Variants in DGKD observed in about 807,000 individuals in gnomAD.
The protein encoded by DGKD is diacylglycerol kinase delta.
Under a neutral mutation model 154.4 loss-of-function variants are expected in DGKD, and 68 were observed. The observed-to-expected ratio is 0.44, with a 90% CI of 0.36 to 0.54. The LOEUF (loss-of-function observed/expected upper bound fraction) is 0.54, where lower values mean the gene tolerates loss of function less well. DGKD is among the 20% of genes least tolerant of loss of function. The probability of loss-of-function intolerance (pLI) is 0.00; values close to 1 mark genes in which losing one functional copy is unlikely to be tolerated. For missense variants in DGKD, 1,343 were observed against 1,593.6 expected (o/e 0.84, Z 2.68); for synonymous variants, 693 against 638.0 (o/e 1.09, Z -1.30).
intron 1 of DGKD, among the ~76,000 whole-genome samples, chr2:233,382,729 C>CT (rs1702963142): frequency 6.6e-6 from 1 of 152,194 alleles, no homozygotes; most frequent in Non-Finnish European, 1.5e-5. Flanking sequence ...CACTAATAGT[C>CT]TGAGATTTTA....
At chr2:233,392,452 A>T (rs1162092007) in intron 3 of DGKD, 1 of 152,216 alleles carries the variant, frequency 6.6e-6, no homozygotes, top group Non-Finnish European at 1.5e-5. Flanking sequence ...ACTGGTATGT[A>T]TGCATTTGTT....
intron 2 of DGKD, 35 bp from the exon 3 acceptor site, chr2:233,390,368 T>C (rs948737011): frequency 1.3e-6 from 2 of 1,576,830 alleles, no homozygotes; most frequent in African/African-American, 2.7e-5. Flanking sequence ...TACCTGTCTT[T>C]ATGTGCCTTA....
intron 3 of DGKD, among the ~76,000 whole-genome samples, chr2:233,395,620 C>T (rs1417252875): frequency 1.4e-5 from 2 of 147,004 alleles, no homozygotes; most frequent in Admixed American, 1.4e-4. Flanking sequence ...CCCCTCCCCT[C>T]CCCGCTTCTC....
intron 1 of DGKD, among the ~76,000 whole-genome samples, chr2:233,355,337 T>C (rs558615717): frequency 1.3e-5 from 2 of 152,322 alleles, no homozygotes; most frequent in Admixed American, 1.3e-4. Flanking sequence ...CGCACGTCCT[T>C]TTTGCAGGAG....
At chr2:233,433,731 A>T (rs1427457603) in intron 3 of DGKD, among the ~76,000 whole-genome samples, 3 of 152,242 alleles carry the variant, frequency 2.0e-5, no homozygotes, top group Non-Finnish European at 4.4e-5. Context: ...AAAATTAAAA[A>T]GAACGTTGAT....
In DGKD at chr2:233,457,522, C is replaced by T; in HGVS notation, c.2580+194C>T. 2 of 678,114 alleles carry T rather than the reference C, an allele frequency of 2.9e-6. No homozygotes were observed. Among genetic ancestry groups the T allele is most frequent in the Non-Finnish European group, 5.4e-6 (2 of 368,920 alleles). The allele number at this position is 678,114 out of a possible 1,614,324, so 42.0% of individuals were successfully genotyped here. A position where few individuals can be genotyped will look rare whatever the true frequency, so the allele number is the denominator to read the frequency against. On this transcript the variant is annotated intron_variant, in intron 21 of 29. Coordinates refer to ENST00000264057, the MANE Select transcript of DGKD (RefSeq NM_152879.3). The surrounding 1 kb of genome is among the most constrained non-coding windows in gnomAD (Gnocchi z 5.5). The stretch of plus-strand genomic sequence containing the variant: ...AGAGGGCTGAGCAGAGCAGTTGTGT[C>T]AGTGAAGGTGGTCAGTGAGGGTCTG...
At chr2:233,455,231 G>A (rs2124903077) in intron 19 of DGKD, among the ~76,000 whole-genome samples, 1 of 152,332 alleles carries the variant, frequency 6.6e-6, no homozygotes, top group East Asian at 1.9e-4. Flanking sequence ...GTTTGTGGGA[G>A]GGTCTGTGTG....
intron 29 of DGKD, among the ~76,000 whole-genome samples, chr2:233,469,055 A>G (rs2063918976): frequency 2.0e-5 from 3 of 152,200 alleles, no homozygotes; most frequent in Admixed American, 1.3e-4. Flanking sequence ...CGAGAGGGCA[A>G]AAGGCCACTG....
chr2:233,426,027 A>G (rs1398811096), intron 3 of DGKD, among the ~76,000 whole-genome samples: 4 of 152,228 alleles, frequency 2.6e-5, no homozygotes, highest in African/African-American at 7.2e-5. Context: ...TCAGTAGACC[A>G]TATTATAAAA....
Position 233,469,566 on chromosome 2 carries a change from G to C in DGKD, c.*106G>C, listed in dbSNP as rs2063943423. ...CCTCCTGCCACTGAGGCCCTGGGCA[G>C]ATGCTGCAGCCCGCCCCCTTCTCAT... On this transcript the variant is annotated 3_prime_UTR_variant, in exon 30 of 30. Coordinates refer to ENST00000264057, the MANE Select transcript of DGKD (RefSeq NM_152879.3). The C allele has an allele frequency of 1.0e-6, 1 of 959,536 alleles. No individual in the cohort carries two copies. Among genetic ancestry groups the C allele is most frequent in the Non-Finnish European group, 1.6e-6 (1 of 629,624 alleles). The allele number at this position is 959,536 out of a possible 1,614,324, so 59.4% of individuals were successfully genotyped here.
At chr2:233,411,949 G>T (rs139076484) in intron 3 of DGKD, among the ~76,000 whole-genome samples, 1 of 151,930 alleles carries the variant, frequency 6.6e-6, no homozygotes, top group Non-Finnish European at 1.5e-5. Context: ...TCTCTTTCCA[G>T]ATTTTCTATT....
chr2:233,393,404 T>G (rs537542267), intron 3 of DGKD, among the ~76,000 whole-genome samples: 52 of 149,394 alleles, frequency 3.5e-4, no homozygotes, highest in Middle Eastern at 3.5e-3. Context: ...TGCTGTGATC[T>G]CGGCTCATGG....
At chr2:233,402,425 T>C (rs79424992) in intron 3 of DGKD, among the ~76,000 whole-genome samples, 1 of 152,316 alleles carries the variant, frequency 6.6e-6, no homozygotes, top group East Asian at 1.9e-4. Flanking sequence ...CTCAAGGCCA[T>C]GGAGTGTCTT....
At chr2:233,455,271 A>G (rs919211747) in intron 19 of DGKD, among the ~76,000 whole-genome samples, 2 of 152,178 alleles carry the variant, frequency 1.3e-5, no homozygotes, top group Admixed American at 6.5e-5. Context: ...GCCCTCCCCC[A>G]TCACACCCGA....
At chr2:233,382,937 G>C (rs569579138) in intron 1 of DGKD, among the ~76,000 whole-genome samples, 1 of 152,092 alleles carries the variant, frequency 6.6e-6, no homozygotes, top group South Asian at 2.1e-4. Context: ...GTCTCCATTT[G>C]ACTTACTCTT....
chr2:233,449,871 T>G lies in DGKD; in HGVS notation c.1889-111T>G, dbSNP rs2063212445. 7.6e-7 allele frequency: 1 copy of G among 1,308,830 alleles called. No individual in the cohort carries two copies. The highest frequency in any genetic ancestry group is 1.0e-6 in the Non-Finnish European group (1 of 975,108). 81.1% of individuals were successfully genotyped at this position (1,308,830 alleles called of 1,614,324 possible). ...GGAGTCCAAGCCTTTAGCCAGAGGT[T>G]GTTTGAGGAAGATCAGGCCGTGGGG... is the stretch of plus-strand genomic sequence containing the variant. On this transcript the variant is annotated intron_variant, in intron 15 of 29. Transcript: ENST00000264057. The surrounding 1 kb of genome is among the most constrained non-coding windows in gnomAD (Gnocchi z 5.3).
chr2:233,442,254 C>G, intron 10 of DGKD: 1 of 617,882 alleles, frequency 1.6e-6, no homozygotes, highest in Admixed American at 2.1e-5. Flanking sequence ...GAATTGCCCA[C>G]AAAGGACCCA....
intron 1 of DGKD, among the ~76,000 whole-genome samples, chr2:233,363,150 A>G (rs1701862633): frequency 6.6e-6 from 1 of 152,220 alleles, no homozygotes; most frequent in African/African-American, 2.4e-5. Context: ...TTCAGGAGGT[A>G]TCCAGAAGAA....
chr2:233,416,720 C>T (rs1329986981), intron 3 of DGKD, among the ~76,000 whole-genome samples: 1 of 152,202 alleles, frequency 6.6e-6, no homozygotes, highest in Non-Finnish European at 1.5e-5. Flanking sequence ...AGACTTACTA[C>T]CAGGGACCTT....
Sources: gnomAD v4.1 joint callset for allele counts (sites outside exome capture counted in the v4.1 genomes callset) on GRCh38, gnomAD v4.1.1 for gene constraint, Gnocchi (gnomAD v3.1) non-coding constraint, MANE v1.5 for transcripts, NCBI Gene and HGNC (gene_info 2026-07-23, HGNC 2026-07-21) for gene names.